The following C2CD5 variants were observed in gnomAD, a reference collection of about 807,000 sequenced individuals.
C2CD5 encodes C2 domain-containing protein 5.
A neutral mutation model predicts 130.3 loss-of-function variants in C2CD5; 109 were observed. That is an observed-to-expected ratio of 0.84 (90% CI 0.72 to 0.98). The LOEUF is 0.98. Ranked by LOEUF, C2CD5 falls within the 50% of genes least tolerant of loss-of-function variation. The pLI is 0.00. For synonymous variants in C2CD5, 454 were observed against 429.2 expected, an observed-to-expected ratio of 1.06 and a Z score of -0.71; for missense variants, 996 against 1,261.8, an observed-to-expected ratio of 0.79 and a Z score of 3.19.
intron 8 of C2CD5, among the ~76,000 whole-genome samples, chr12:22,513,959 A>G (rs1222632210): frequency 2.0e-5 from 3 of 152,186 alleles, no homozygotes; most frequent in Non-Finnish European, 4.4e-5. Context: ...CACAAAAATC[A>G]ACATAAACTT....
chr12:22,486,198 A>C (rs552643730), intron 12 of C2CD5, among the ~76,000 whole-genome samples: 4 of 151,870 alleles, frequency 2.6e-5, no homozygotes, highest in Admixed American at 1.3e-4. Flanking sequence ...AAAAAAAAAA[A>C]AAAAAACACT....
chr12:22,492,631 T>C (rs1280999429), intron 11 of C2CD5, among the ~76,000 whole-genome samples: 1 of 152,064 alleles, frequency 6.6e-6, no homozygotes, highest in Non-Finnish European at 1.5e-5. Context: ...TGGAAGTAGA[T>C]AATGGAACAG....
At chr12:22,467,381 C>T (rs536202624) in intron 22 of C2CD5, among the ~76,000 whole-genome samples, 12 of 152,112 alleles carry the variant, frequency 7.9e-5, no homozygotes, top group South Asian at 2.1e-4. Flanking sequence ...TCAAGCAATC[C>T]GCCTGCTTCG....
At chr12:22,497,706 A>G (rs1156532014) in intron 10 of C2CD5, 2 of 247,802 alleles carry the variant, frequency 8.1e-6, no homozygotes, top group Non-Finnish European at 1.3e-5. Context: ...TAGACTAGGA[A>G]GAAGATTCTC....
intron 16 of C2CD5, among the ~76,000 whole-genome samples, chr12:22,474,462 T>C (rs1175646755): frequency 1.3e-5 from 2 of 152,162 alleles, no homozygotes; most frequent in Non-Finnish European, 2.9e-5. Flanking sequence ...TTTAAATTCA[T>C]TCAAGTTTAC....
At chr12:22,483,176 CA>C (rs1944973140) in intron 13 of C2CD5, among the ~76,000 whole-genome samples, 1 of 151,310 alleles carries the variant, frequency 6.6e-6, no homozygotes, top group African/African-American at 2.4e-5. Flanking sequence ...TGTTTACCCA[CA>C]AAAATTAAAT....
intron 12 of C2CD5, among the ~76,000 whole-genome samples, chr12:22,486,499 A>G (rs1438540597): frequency 6.6e-6 from 1 of 152,194 alleles, no homozygotes; most frequent in African/African-American, 2.4e-5. Flanking sequence ...GCTATCAGTC[A>G]TGACTTCAAA....
Position 22,472,157 on chromosome 12 carries a change from T to G in C2CD5, c.2170-92A>C, listed in dbSNP as rs1421264787. ...TTGCCAAATAATGAACAATACTAAC[T>G]AATGTAGTAGAATAAGGATGGTATT... On this transcript the variant is annotated intron_variant, in intron 18 of 26. Coordinates refer to ENST00000446597, the MANE Select transcript of C2CD5 (RefSeq NM_001286176.2). 14 of 870,006 alleles carry G rather than the reference T, an allele frequency of 1.6e-5. No individual in the cohort carries two copies. In the Admixed American group the frequency reaches 3.3e-4, roughly 20 times the overall value. 53.9% of individuals were successfully genotyped at this position (870,006 alleles called of 1,614,324 possible).
At chr12:22,463,844 G>A (rs1238749382) in intron 22 of C2CD5, 1 of 152,130 alleles carries the variant, frequency 6.6e-6, no homozygotes, top group Non-Finnish European at 1.5e-5. Context: ...ATTTGGAAAT[G>A]ATTCTCTGGC....
At chr12:22,534,206 G>T (rs894767421) in intron 3 of C2CD5, among the ~76,000 whole-genome samples, 1 of 151,944 alleles carries the variant, frequency 6.6e-6, no homozygotes, top group Non-Finnish European at 1.5e-5. Context: ...AAGGAATGAA[G>T]TTGGCCTCTT....
At chr12:22,533,945 G>C (rs1951562993) in intron 3 of C2CD5, among the ~76,000 whole-genome samples, 1 of 152,204 alleles carries the variant, frequency 6.6e-6, no homozygotes, top group South Asian at 2.1e-4. Flanking sequence ...TAGCACTTTG[G>C]GAGGCCAAGG....
intron 9 of C2CD5, among the ~76,000 whole-genome samples, chr12:22,509,690 C>T (rs970940823): frequency 2.6e-5 from 4 of 152,222 alleles, no homozygotes; most frequent in Non-Finnish European, 5.9e-5. Context: ...CTGTCAAGTA[C>T]TTCTATGTGC....
chr12:22,526,692 G>A (rs973609970), intron 4 of C2CD5, among the ~76,000 whole-genome samples: 4 of 151,950 alleles, frequency 2.6e-5, no homozygotes, highest in African/African-American at 4.8e-5. Context: ...GCAACACAGC[G>A]AGAAAAAAAT....
At chr12:22,473,764 T>A (rs1268950000) in intron 16 of C2CD5, among the ~76,000 whole-genome samples, 1 of 152,132 alleles carries the variant, frequency 6.6e-6, no homozygotes, top group African/African-American at 2.4e-5. Context: ...TTGCATTTCT[T>A]ACAAGCTCCC....
chr12:22,493,643 A>G (rs1421227046), intron 10 of C2CD5, among the ~76,000 whole-genome samples: 1 of 152,094 alleles, frequency 6.6e-6, no homozygotes, highest in African/African-American at 2.4e-5. Context: ...CTTAGCTATG[A>G]TTAGAATTTT....
At chr12:22,527,946 A>G (rs961443161) in intron 3 of C2CD5, 54 bp from the exon 4 acceptor site, 8 of 1,042,694 alleles carry the variant, frequency 7.7e-6, no homozygotes, top group Non-Finnish European at 1.1e-5. Flanking sequence ...CTTAATTACC[A>G]CAAATGTATA....
At chr12:22,528,944 CATT>C (rs2137114532) in intron 3 of C2CD5, among the ~76,000 whole-genome samples, 1 of 152,228 alleles carries the variant, frequency 6.6e-6, no homozygotes, top group Non-Finnish European at 1.5e-5. Flanking sequence ...TTATTGATAT[CATT>C]AGTGTGATAA....
At chr12:22,487,709 C>A (rs1471256426) in intron 12 of C2CD5, among the ~76,000 whole-genome samples, 1 of 151,932 alleles carries the variant, frequency 6.6e-6, no homozygotes, top group Non-Finnish European at 1.5e-5. Context: ...TGGGTATATA[C>A]CCAAAGGATT....
chr12:22,496,522 A>T (rs1947038630), intron 10 of C2CD5, among the ~76,000 whole-genome samples: 2 of 151,938 alleles, frequency 1.3e-5, no homozygotes, highest in South Asian at 4.1e-4. Context: ...TCATTTAATA[A>T]ACATTAAATA....
Sources: allele counts gnomAD v4.1 joint callset (sites outside exome capture counted in the v4.1 genomes callset), GRCh38; gene constraint gnomAD v4.1.1; transcripts MANE v1.5; gene names NCBI Gene and HGNC (gene_info 2026-07-23, HGNC 2026-07-21).